The following CDK6 variants were observed in gnomAD, a reference collection of about 807,000 sequenced individuals.
CDK6 encodes the protein cyclin-dependent kinase 6.
CDK6 carries 6 observed loss-of-function variants against 37.1 expected under a neutral mutation model. That is an observed-to-expected ratio of 0.16 (90% CI 0.09 to 0.32). The LOEUF is 0.32. CDK6 is among the 10% of genes least tolerant of loss of function. The probability of loss-of-function intolerance (pLI) is 1.00; values close to 1 mark genes in which losing one functional copy is unlikely to be tolerated. For synonymous variants in CDK6, 160 were observed against 161.3 expected, an observed-to-expected ratio of 0.99 and a Z score of 0.06; for missense variants, 224 against 418.9, an observed-to-expected ratio of 0.53 and a Z score of 4.06.
intron 5 of CDK6, among the ~76,000 whole-genome samples, chr7:92,655,608 A>G (rs1286254726): frequency 6.6e-6 from 1 of 152,260 alleles, no homozygotes; most frequent in Non-Finnish European, 1.5e-5. Context: ...CAGTGCAAAC[A>G]CATTTGGCAC....
chr7:92,755,522 C>T (rs1402142868), intron 3 of CDK6, among the ~76,000 whole-genome samples: 2 of 152,098 alleles, frequency 1.3e-5, no homozygotes, highest in Non-Finnish European at 2.9e-5. Flanking sequence ...CACCAACAAG[C>T]CAGCTGGTCA....
chr7:92,631,416 C>T (rs963075782), intron 5 of CDK6, among the ~76,000 whole-genome samples: 2 of 152,074 alleles, frequency 1.3e-5, no homozygotes, highest in Admixed American at 6.6e-5. Context: ...ATGAGCATAC[C>T]TCAAAACAAT....
intron 4 of CDK6, among the ~76,000 whole-genome samples, chr7:92,712,882 T>G (rs13223582): frequency 1.5e-3 from 189 of 123,766 alleles, no homozygotes; most frequent in South Asian, 2.4e-3. Flanking sequence ...ATGTATGTAT[T>G]TATTTATTTG....
At position 92,608,573 on chromosome 7, in the gene CDK6, T is replaced by C. The variant is rs564572966; in HGVS notation, c.*6567A>G. The stretch of plus-strand genomic sequence containing the variant: ...AAAAAACAAAAACAAAAACAAAAAC[T>C]GAGCTTAGCGCCTGAGAGATGCGGG... On this transcript the variant is annotated 3_prime_UTR_variant, in exon 8 of 8. Transcript: ENST00000424848. 4.3e-6 allele frequency: 1 copy of C among 232,258 alleles called. No homozygotes were observed. The highest frequency in any genetic ancestry group is 6.1e-5 in the East Asian group (1 of 16,446). 14.4% of individuals were successfully genotyped at this position (232,258 alleles called of 1,614,324 possible).
chr7:92,694,347 G>T (rs1797661553), intron 4 of CDK6, among the ~76,000 whole-genome samples: 1 of 152,092 alleles, frequency 6.6e-6, no homozygotes, highest in Non-Finnish European at 1.5e-5. Flanking sequence ...CCTATAATTA[G>T]AATAAATAAA....
intron 3 of CDK6, among the ~76,000 whole-genome samples, chr7:92,738,940 A>G (rs1798854804): frequency 6.6e-6 from 1 of 152,046 alleles, no homozygotes; most frequent in Non-Finnish European, 1.5e-5. Flanking sequence ...ATTGGCTTCC[A>G]CTTTTTCTTA....
chr7:92,816,661 A>G (rs915732535), intron 2 of CDK6, among the ~76,000 whole-genome samples: 13 of 152,242 alleles, frequency 8.5e-5, no homozygotes, highest in African/African-American at 2.4e-4. Flanking sequence ...TTCTATTTTA[A>G]GAAGCTAAAA....
chr7:92,819,465 T>A (rs1205240565), intron 2 of CDK6, among the ~76,000 whole-genome samples: 1 of 152,048 alleles, frequency 6.6e-6, no homozygotes, highest in Non-Finnish European at 1.5e-5. Context: ...GGTTAGTAGG[T>A]GAATAAATTT....
In CDK6 at chr7:92,608,935, G is replaced by A. The variant is rs1795497131; in HGVS notation, c.*6205C>T. ...CAAGTGGGAATCAAGTTTTGAGCACGAGCAAATGGGGTTCAGACTGGCCAC... is the reference window on the plus strand; with the variant it reads ...CAAGTGGGAATCAAGTTTTGAGCACAAGCAAATGGGGTTCAGACTGGCCAC... On this transcript the variant is annotated 3_prime_UTR_variant, in exon 8 of 8. Transcript: ENST00000424848. 1 of 232,982 alleles carries A rather than the reference G, an allele frequency of 4.3e-6. No homozygotes were observed. Among genetic ancestry groups the A allele is most frequent in the Non-Finnish European group, 8.5e-6 (1 of 117,852 alleles). The allele number at this position is 232,982 out of a possible 1,614,324, so 14.4% of individuals were successfully genotyped here.
intron 7 of CDK6, 28 bp downstream of exon 7, chr7:92,618,044 A>G (rs747274072): frequency 2.0e-5 from 33 of 1,611,432 alleles, no homozygotes; most frequent in African/African-American, 2.7e-5. Context: ...GGCACAGTGC[A>G]GACGAGCTTG....
At chr7:92,743,487 A>T (rs1478464021) in intron 3 of CDK6, among the ~76,000 whole-genome samples, 2 of 151,940 alleles carry the variant, frequency 1.3e-5, no homozygotes, top group Non-Finnish European at 2.9e-5. Flanking sequence ...TGTCTCAAAA[A>T]AGAAAGAACT....
At chr7:92,719,398 A>T (rs528876791) in intron 4 of CDK6, among the ~76,000 whole-genome samples, 2 of 152,308 alleles carry the variant, frequency 1.3e-5, no homozygotes, top group Admixed American at 1.3e-4. Context: ...TAAGTTTTGT[A>T]CTTTGTACAG....
chr7:92,777,953 T>G (rs915851850), intron 2 of CDK6, among the ~76,000 whole-genome samples: 11 of 152,158 alleles, frequency 7.2e-5, no homozygotes, highest in African/African-American at 2.7e-4. Context: ...TTCACATCCC[T>G]TTTGGGTTGT....
chr7:92,662,458 C>T (rs1205871184), intron 5 of CDK6, among the ~76,000 whole-genome samples: 1 of 152,142 alleles, frequency 6.6e-6, no homozygotes. Flanking sequence ...AAGTGTTAAA[C>T]AAGCACGTGT....
At position 92,771,811 on chromosome 7, in the gene CDK6, G is replaced by C. The variant is rs1799725238; in HGVS notation, c.369+2885C>G. On this transcript the variant is annotated intron_variant, in intron 3 of 7. Transcript: ENST00000424848. ...GAATCAATTTCTGTGTTCCCAATAGGTTGTTCAGAATAACAATATTTGCTT... is the reference window on the plus strand; with the variant it reads ...GAATCAATTTCTGTGTTCCCAATAGCTTGTTCAGAATAACAATATTTGCTT... Among the ~76,000 whole-genome samples, 4 of 152,130 alleles carry C rather than the reference G, an allele frequency of 2.6e-5. No homozygotes were observed. The South Asian group carries it at 8.3e-4, about 31-fold the overall frequency.
At chr7:92,832,574 G>A (rs1801517813) in intron 2 of CDK6, among the ~76,000 whole-genome samples, 1 of 152,132 alleles carries the variant, frequency 6.6e-6, no homozygotes, top group African/African-American at 2.4e-5. Context: ...GAGTATGACT[G>A]GCAAAAATAT....
chr7:92,716,700 A>C (rs1206949942), intron 4 of CDK6, among the ~76,000 whole-genome samples: 1 of 152,212 alleles, frequency 6.6e-6, no homozygotes, highest in East Asian at 1.9e-4. Context: ...GAGGACACAA[A>C]AATCCAAATT....
intron 4 of CDK6, among the ~76,000 whole-genome samples, chr7:92,716,082 G>T (rs1035910405): frequency 2.0e-5 from 3 of 152,126 alleles, no homozygotes; most frequent in African/African-American, 4.8e-5. Flanking sequence ...AAGGAGTGAC[G>T]CAGGCAATTG....
At chr7:92,682,522 T>C (rs1797360847) in intron 4 of CDK6, among the ~76,000 whole-genome samples, 1 of 152,224 alleles carries the variant, frequency 6.6e-6, no homozygotes, top group African/African-American at 2.4e-5. Flanking sequence ...TCAATCATTG[T>C]ATCCTTACGG....
Sources: gnomAD v4.1 joint callset for allele counts (sites outside exome capture counted in the v4.1 genomes callset) on GRCh38, gnomAD v4.1.1 for gene constraint, MANE v1.5 for transcripts, NCBI Gene and HGNC (gene_info 2026-07-23, HGNC 2026-07-21) for gene names.